Variants in ELSPBP1 observed in about 807,000 individuals in gnomAD.
The protein encoded by ELSPBP1 is epididymal sperm binding protein 1, also known as epididymal sperm-binding protein 1.
In ELSPBP1, 38 loss-of-function variants were observed where a neutral mutation model predicts 33.3. The observed-to-expected ratio is 1.14, with a 90% CI of 0.88 to 1.50. ELSPBP1 has a LOEUF of 1.50. Ranked by LOEUF, ELSPBP1 falls within the 40% of genes most tolerant of loss-of-function variation. The probability of loss-of-function intolerance (pLI) is 0.00; values close to 1 mark genes in which losing one functional copy is unlikely to be tolerated. For synonymous variants in ELSPBP1, 85 were observed against 94.1 expected (o/e 0.90, Z 0.56); for missense variants, 267 against 263.5 (o/e 1.01, Z -0.09).
At position 47,996,555 on chromosome 19, in the gene ELSPBP1, T is replaced by C. The variant is rs188896121; in HGVS notation, c.-18+1744T>C. Among the ~76,000 whole-genome samples the C allele has an allele frequency of 1.7e-3, 259 of 151,912 alleles. 2 individuals carry two copies. The highest frequency in any genetic ancestry group is 2.7e-3 in the Non-Finnish European group (183 of 67,934). On this transcript the variant is annotated intron_variant, in intron 1 of 6. Coordinates refer to ENST00000339841, the MANE Select transcript of ELSPBP1 (RefSeq NM_022142.5). ...AAGGATGAATGGGTGGATGAATTGA[T>C]GGATGGATGTATGGATGATGGAAGA...
intron 1 of ELSPBP1, among the ~76,000 whole-genome samples, chr19:48,000,689 G>A (rs1384719834): frequency 2.0e-5 from 3 of 152,150 alleles, no homozygotes; most frequent in African/African-American, 7.2e-5. Flanking sequence ...TTTCTCCATT[G>A]TGGAGATGAG....
At chr19:48,013,483 A>G (rs1180167400) in intron 2 of ELSPBP1, among the ~76,000 whole-genome samples, 2 of 152,128 alleles carry the variant, frequency 1.3e-5, no homozygotes, top group Non-Finnish European at 2.9e-5. Context: ...GTGGGAGGCC[A>G]AGGTGGGAGG....
chr19:48,007,621 G>C (rs554978583), intron 1 of ELSPBP1, among the ~76,000 whole-genome samples: 27 of 152,312 alleles, frequency 1.8e-4, no homozygotes, highest in African/African-American at 6.0e-4. Flanking sequence ...AAGGAAAATA[G>C]AGCTAGTAAT....
intron 4 of ELSPBP1, among the ~76,000 whole-genome samples, chr19:48,016,584 CTT>C (rs1329886344): frequency 6.7e-6 from 1 of 148,436 alleles, no homozygotes; most frequent in African/African-American, 2.5e-5. Context: ...TCATCTCTCT[CTT>C]TCTTTCTTTT....
Position 48,014,395 on chromosome 19 carries a change from C to T in ELSPBP1, c.208+87C>T, listed in dbSNP as rs2122319472. On this transcript the variant is annotated intron_variant, in intron 3 of 6. Transcript: ENST00000339841. ...TGTGTGACTGTCTATGACATGATCA[C>T]ATTTTTGCAGACAAACGGTAATACG... 4.8e-6 allele frequency: 7 copies of T among 1,471,358 alleles called. No individual in the cohort carries two copies. The East Asian group carries it at 7.1e-5, about 15-fold the overall frequency. 91.1% of individuals were successfully genotyped at this position (1,471,358 alleles called of 1,614,324 possible).
chr19:48,016,477 TTTCTTTCTTTCTTTCTTTC>T (rs1967137397), intron 4 of ELSPBP1, among the ~76,000 whole-genome samples: 2 of 60,568 alleles, frequency 3.3e-5, no homozygotes, highest in South Asian at 6.6e-4. Context: ...TCTTTCTTTC[TTTCTTTCTTTCTTTCTTTC>T]TTTCTTTCTT....
intron 1 of ELSPBP1, among the ~76,000 whole-genome samples, chr19:48,007,384 G>T (rs1009927463): frequency 6.6e-6 from 1 of 152,172 alleles, no homozygotes; most frequent in African/African-American, 2.4e-5. Context: ...CCTTTTCTGT[G>T]AAGTGGAGAT....
In ELSPBP1 at chr19:48,025,101, A is replaced by G. The variant is rs1967256465; in HGVS notation, c.*157A>G. Reference sequence around the variant, plus strand: ...TCAATCAGCTGGTCCTTTGTGAAGAACGTAGAGAGAATGCGGCATAACCAC... The same window carrying G: ...TCAATCAGCTGGTCCTTTGTGAAGAGCGTAGAGAGAATGCGGCATAACCAC... On this transcript the variant is annotated 3_prime_UTR_variant, in exon 7 of 7. Coordinates refer to ENST00000339841, the MANE Select transcript of ELSPBP1 (RefSeq NM_022142.5). 6.6e-6 allele frequency: 1 copy of G among 152,228 alleles called. No individual in the cohort carries two copies. Among genetic ancestry groups the G allele is most frequent in the African/African-American group, 2.4e-5 (1 of 41,452 alleles). 9.4% of individuals were successfully genotyped at this position (152,228 alleles called of 1,614,324 possible).
In ELSPBP1 at chr19:48,002,589, A is replaced by G. The variant is rs932674801; in HGVS notation, c.-17-6062A>G. The stretch of plus-strand genomic sequence containing the variant: ...GCAGATCACTTGGGGTCAGGAGTTC[A>G]AAACCAACCTGGCCAACACGGTGAA... On this transcript the variant is annotated intron_variant, in intron 1 of 6. Coordinates refer to ENST00000339841, the MANE Select transcript of ELSPBP1 (RefSeq NM_022142.5). 3.9e-5 allele frequency among the ~76,000 whole-genome samples: 6 copies of G among 152,322 alleles called. No individual in the cohort carries two copies. The South Asian group carries it at 6.2e-4, about 16-fold the overall frequency.
intron 3 of ELSPBP1, among the ~76,000 whole-genome samples, chr19:48,015,512 G>T (rs1395790715): frequency 6.6e-6 from 1 of 152,060 alleles, no homozygotes; most frequent in Non-Finnish European, 1.5e-5. Flanking sequence ...AAAAAAATTA[G>T]CTGGGTGTGG....
At chr19:48,010,282 T>TG (rs1466962075) in intron 2 of ELSPBP1, among the ~76,000 whole-genome samples, 1 of 152,202 alleles carries the variant, frequency 6.6e-6, no homozygotes, top group East Asian at 1.9e-4. Context: ...ATGTACTTGA[T>TG]GGGGTATCCA....
chr19:48,022,124 T>A, intron 5 of ELSPBP1, 46 bp from the exon 6 acceptor site: 1 of 1,572,610 alleles, frequency 6.4e-7, no homozygotes, highest in East Asian at 2.3e-5. Context: ...TACGACAGTG[T>A]GAAGCCTGAG....
intron 1 of ELSPBP1, among the ~76,000 whole-genome samples, chr19:47,998,940 G>A (rs1251085147): frequency 6.6e-6 from 1 of 152,210 alleles, no homozygotes; most frequent in Non-Finnish European, 1.5e-5. Flanking sequence ...GCATGCGGGA[G>A]GCCCACCCTA....
At chr19:48,016,985 T>C (rs947551907) in intron 4 of ELSPBP1, among the ~76,000 whole-genome samples, 4 of 152,192 alleles carry the variant, frequency 2.6e-5, no homozygotes, top group Non-Finnish European at 5.9e-5. Context: ...TTGAATGTCC[T>C]CTCTGTCCTA....
chr19:48,016,580 CTCTCTTTCTTTCTTTT>C (rs1317913346), intron 4 of ELSPBP1, among the ~76,000 whole-genome samples: 3 of 147,354 alleles, frequency 2.0e-5, no homozygotes, highest in Non-Finnish European at 3.0e-5. Context: ...CCCTTCATCT[CTCTCTTTCTTTCTTTT>C]TCTCTTTCTT....
At chr19:48,017,400 T>A (rs1967153663) in intron 4 of ELSPBP1, among the ~76,000 whole-genome samples, 1 of 152,224 alleles carries the variant, frequency 6.6e-6, no homozygotes, top group African/African-American at 2.4e-5. Context: ...TCACTATAGC[T>A]TTGTCCTAGT....
chr19:48,006,879 G>A (rs1482440368), intron 1 of ELSPBP1, among the ~76,000 whole-genome samples: 6 of 152,042 alleles, frequency 3.9e-5, no homozygotes, highest in Non-Finnish European at 7.4e-5. Flanking sequence ...AAGGAAGAAC[G>A]ACAAGAAAAA....
intron 2 of ELSPBP1, among the ~76,000 whole-genome samples, chr19:48,009,136 C>A (rs1223248339): frequency 2.0e-4 from 27 of 136,362 alleles, no homozygotes; most frequent in South Asian, 4.8e-4. Flanking sequence ...AACTCCCTCT[C>A]AAAAAAAAAA....
intron 1 of ELSPBP1, among the ~76,000 whole-genome samples, chr19:48,000,213 C>T (rs1388389399): frequency 1.1e-5 from 1 of 93,172 alleles, no homozygotes; most frequent in Non-Finnish European, 2.3e-5. Context: ...CCCACCCCGG[C>T]CGCCCCCCAA....
Sources: gnomAD v4.1 joint callset for allele counts (sites outside exome capture counted in the v4.1 genomes callset) on GRCh38, gnomAD v4.1.1 for gene constraint, MANE v1.5 for transcripts, NCBI Gene and HGNC (gene_info 2026-07-23, HGNC 2026-07-21) for gene names.